The following GALNT17 variants were observed in gnomAD, a reference collection of about 807,000 sequenced individuals.
GALNT17 encodes the protein UDP-GalNAc:polypeptide N-acetylgalactosaminyltransferase-like 3.
GALNT17 carries 29 observed loss-of-function variants against 63.7 expected under a neutral mutation model. That is an observed-to-expected ratio of 0.46 (90% CI 0.34 to 0.62). The LOEUF (loss-of-function observed/expected upper bound fraction) is 0.62, where lower values mean the gene tolerates loss of function less well. Ranked by LOEUF, GALNT17 falls within the 20% of genes least tolerant of loss-of-function variation. The probability of loss-of-function intolerance (pLI) is 0.01; values close to 1 mark genes in which losing one functional copy is unlikely to be tolerated. For synonymous variants in GALNT17, 305 were observed against 318.3 expected (o/e 0.96, Z 0.45); for missense variants, 603 against 799.6 (o/e 0.75, Z 2.97).
At chr7:71,260,843 A>G (rs1019405908) in intron 1 of GALNT17, among the ~76,000 whole-genome samples, 1 of 152,130 alleles carries the variant, frequency 6.6e-6, no homozygotes, top group South Asian at 2.1e-4. Flanking sequence ...GACTCAAGCA[A>G]TTCTCTTGCC....
chr7:71,682,128 C>T (rs13242819), intron 9 of GALNT17, among the ~76,000 whole-genome samples: 87,081 of 151,816 alleles, frequency 0.57, 27,060 homozygotes, highest in East Asian at 0.84. Flanking sequence ...TGTTTCGCCA[C>T]GTTGGTCAGG....
At chr7:71,552,226 G>T (rs1329400468) in intron 5 of GALNT17, among the ~76,000 whole-genome samples, 1 of 151,818 alleles carries the variant, frequency 6.6e-6, no homozygotes, top group Non-Finnish European at 1.5e-5. Flanking sequence ...TGTATTTTTA[G>T]TAGAGACGGG....
intron 1 of GALNT17, among the ~76,000 whole-genome samples, chr7:71,334,877 C>T (rs6944999): frequency 0.55 from 83,025 of 152,074 alleles, 23,054 homozygotes; most frequent in Non-Finnish European, 0.6. Context: ...ATCTGTATGT[C>T]ACTTTCTGTT....
intron 5 of GALNT17, among the ~76,000 whole-genome samples, chr7:71,503,472 A>G (rs1245151895): frequency 6.6e-6 from 1 of 152,068 alleles, no homozygotes; most frequent in Non-Finnish European, 1.5e-5. Context: ...ACTGACCTCA[A>G]GCGATCTGCC....
chr7:71,710,475 T>C (rs918574011), intron 9 of GALNT17, among the ~76,000 whole-genome samples: 6 of 152,088 alleles, frequency 3.9e-5, no homozygotes, highest in East Asian at 1.9e-4. Context: ...GCCATTGCAC[T>C]CCAGACAGGA....
chr7:71,160,357 G>A (rs1453864334), intron 1 of GALNT17, among the ~76,000 whole-genome samples: 1 of 152,224 alleles, frequency 6.6e-6, no homozygotes, highest in East Asian at 1.9e-4. Context: ...TCAGTGATTC[G>A]TTGAGTTCCT....
rs1237223835 is a variant in GALNT17 at position 71,377,107 on chromosome 7, TAAAAA to T, written c.423-11124_423-11120del. Among the ~76,000 whole-genome samples the T allele has an allele frequency of 1.7e-3, 100 of 57,660 alleles. 2 individuals are homozygous for T. The highest frequency in any genetic ancestry group is 0.015 in the Middle Eastern group (1 of 68). The allele number at this position is 57,660 out of a possible 152,430, so 37.8% of individuals were successfully genotyped here. ...TCTCAAAAAAAAAAAAAAATAAAAATAAAAAAAATATATATATATATATATATATA... is the reference window on the plus strand; with the variant it reads ...TCTCAAAAAAAAAAAAAAATAAAAATAAATATATATATATATATATATATA... On this transcript the variant is annotated intron_variant, in intron 2 of 10. Transcript: ENST00000333538.
At chr7:71,452,815 G>C (rs1173441280) in intron 5 of GALNT17, among the ~76,000 whole-genome samples, 1 of 152,156 alleles carries the variant, frequency 6.6e-6, no homozygotes, top group African/African-American at 2.4e-5. Flanking sequence ...CAAGAATTAA[G>C]CATCTTGTTT....
Position 71,225,965 on chromosome 7 carries a change from T to G in GALNT17, c.238+92925T>G, listed in dbSNP as rs1789672465. ...TATAATTGCATTTTGTAAAAAATTG[T>G]GTGTATACATATGCATATAAATGAG... On this transcript the variant is annotated intron_variant, in intron 1 of 10. Transcript: ENST00000333538. Among the ~76,000 whole-genome samples, 3 of 152,328 alleles carry G rather than the reference T, an allele frequency of 2.0e-5. No individual in the cohort carries two copies. In the South Asian group the frequency reaches 6.2e-4, roughly 32 times the overall value.
intron 1 of GALNT17, among the ~76,000 whole-genome samples, chr7:71,219,735 A>G (rs1489045805): frequency 6.6e-6 from 1 of 152,058 alleles, no homozygotes; most frequent in South Asian, 2.1e-4. Context: ...CCTTGCTCCA[A>G]GTGTATTTTA....
intron 1 of GALNT17, among the ~76,000 whole-genome samples, chr7:71,288,916 G>C (rs531110233): frequency 1.3e-5 from 2 of 152,288 alleles, no homozygotes; most frequent in East Asian, 3.9e-4. Flanking sequence ...GCTGAAACAT[G>C]ATTTGGCTCA....
At chr7:71,530,327 C>T (rs1019785504) in intron 5 of GALNT17, among the ~76,000 whole-genome samples, 5 of 152,032 alleles carry the variant, frequency 3.3e-5, no homozygotes, top group African/African-American at 4.8e-5. Flanking sequence ...GTCTGTGCAA[C>T]GCAACAACAC....
At chr7:71,167,468 G>A (rs1788463705) in intron 1 of GALNT17, among the ~76,000 whole-genome samples, 1 of 151,990 alleles carries the variant, frequency 6.6e-6, no homozygotes, top group African/African-American at 2.4e-5. Context: ...TGAGTTTTGA[G>A]AGTTCTTTAT....
chr7:71,666,698 C>T (rs973617263), intron 7 of GALNT17, among the ~76,000 whole-genome samples: 1 of 152,078 alleles, frequency 6.6e-6, no homozygotes, highest in Admixed American at 6.6e-5. Context: ...TCATCCAGGT[C>T]GTTGCAAATA....
Position 71,388,245 on chromosome 7 carries a change from C to G in GALNT17, c.433C>G (p.Leu145Val). 6.2e-7 allele frequency: 1 copy of G among 1,613,792 alleles called. No homozygotes were observed. The highest frequency in any genetic ancestry group is 8.5e-7 in the Non-Finnish European group (1 of 1,179,846). ...PDYRPTKCKELKYSKDLPQIS... is the reference protein window; with the variant it reads ...PDYRPTKCKEVKYSKDLPQIS... ...TCTCTCCTTCCCCAGGTGTAAGGAG[C>G]TCAAGTACTCCAAGGACCTGCCCCA... The change falls in exon 3 of 11, where the codon CTC (leucine) becomes GTC (valine). Residue 145 changes from leucine (L) to valine (V), a missense_variant. By Grantham distance (32) the Leu-to-Val change is conservative. This residue lies in a region of GALNT17 where 195 missense variants were observed against 215.0 expected (regional missense o/e 0.91). Coordinates refer to ENST00000333538, the MANE Select transcript of GALNT17 (RefSeq NM_022479.3).
At chr7:71,648,465 G>T (rs145429287) in intron 6 of GALNT17, among the ~76,000 whole-genome samples, 1 of 151,886 alleles carries the variant, frequency 6.6e-6, no homozygotes, top group Non-Finnish European at 1.5e-5. Context: ...TTGTAGAGAC[G>T]GGGTCTTGTT....
chr7:71,346,162 A>G (rs1473934913), intron 2 of GALNT17, among the ~76,000 whole-genome samples: 2 of 151,902 alleles, frequency 1.3e-5, no homozygotes, highest in African/African-American at 4.8e-5. Flanking sequence ...ACTGCACCCC[A>G]TCTTGGATAA....
intron 5 of GALNT17, among the ~76,000 whole-genome samples, chr7:71,515,327 G>A (rs893998418): frequency 2.6e-5 from 4 of 152,178 alleles, no homozygotes; most frequent in Admixed American, 6.5e-5. Flanking sequence ...TCTGCCAGGA[G>A]ATTCCTGCTA....
At chr7:71,228,791 A>G (rs911868152) in intron 1 of GALNT17, among the ~76,000 whole-genome samples, 1 of 152,184 alleles carries the variant, frequency 6.6e-6, no homozygotes, top group Non-Finnish European at 1.5e-5. Flanking sequence ...TAATGTCCCC[A>G]TCTCAGGAGC....
Sources: gnomAD v4.1 joint callset for allele counts (sites outside exome capture counted in the v4.1 genomes callset) on GRCh38, gnomAD v4.1.1 for gene constraint, gnomAD v4.1.1 regional missense constraint, MANE v1.5 for transcripts, NCBI Gene and HGNC (gene_info 2026-07-23, HGNC 2026-07-21) for gene names.